The following TMEM98 variants were observed in gnomAD, a reference collection of about 807,000 sequenced individuals.
TMEM98 encodes the protein transmembrane protein 98.
A neutral mutation model predicts 25.0 loss-of-function variants in TMEM98; 18 were observed. The observed-to-expected ratio is 0.72, with a 90% confidence interval of 0.50 to 1.07. The LOEUF (loss-of-function observed/expected upper bound fraction) is 1.07, where lower values mean the gene tolerates loss of function less well. Among genes scored for constraint, TMEM98 ranks in the 50% least tolerant of loss-of-function variants. The probability of loss-of-function intolerance (pLI) is 0.00; values close to 1 mark genes in which losing one functional copy is unlikely to be tolerated. For missense variants in TMEM98, 241 were observed against 289.0 expected (o/e 0.83, Z 1.20); for synonymous variants, 103 against 112.4 (o/e 0.92, Z 0.53).
rs1448738566 is a variant in TMEM98 at position 32,944,189 on chromosome 17, T to C, written c.*3196T>C. ...CCTGTGTGCCCACACGAGCAGACTTTTAGAAAATGGCCTACAGTTCAAAGG... is the reference window on the plus strand; with the variant it reads ...CCTGTGTGCCCACACGAGCAGACTTCTAGAAAATGGCCTACAGTTCAAAGG... On this transcript the variant is annotated 3_prime_UTR_variant, in exon 8 of 8. Transcript: ENST00000579849. 2.0e-5 allele frequency: 3 copies of C among 152,190 alleles called. No individual in the cohort carries two copies. Among genetic ancestry groups the C allele is most frequent in the Non-Finnish European group, 4.4e-5 (3 of 68,052 alleles). The allele number at this position is 152,190 out of a possible 1,614,324, so 9.4% of individuals were successfully genotyped here. A position where few individuals can be genotyped will look rare whatever the true frequency, so the allele number is the denominator to read the frequency against.
chr17:32,929,238 CACAG>C (rs777815955), intron 1 of TMEM98, among the ~76,000 whole-genome samples: 2 of 151,922 alleles, frequency 1.3e-5, no homozygotes, highest in Non-Finnish European at 2.9e-5. Context: ...AGCTCACACA[CACAG>C]AAACAGAAAA....
intron 7 of TMEM98, among the ~76,000 whole-genome samples, chr17:32,939,751 C>G (rs2091518712): frequency 6.6e-6 from 1 of 152,206 alleles, no homozygotes; most frequent in South Asian, 2.1e-4. Flanking sequence ...AAGAAAGAGG[C>G]AGTCTTAGAT....
chr17:32,934,924 A>G lies in TMEM98; in HGVS notation c.297+600A>G, dbSNP rs1001347771. On this transcript the variant is annotated intron_variant, in intron 5 of 7. Coordinates refer to ENST00000579849, the MANE Select transcript of TMEM98 (RefSeq NM_015544.3). ...GCATTTTGGGTAATTTTATGGTTTT[A>G]GCATTTGTTTTCAATTCTTGCCTGT... Among the ~76,000 whole-genome samples the G allele has an allele frequency of 4.6e-5, 7 of 152,226 alleles. No homozygotes were observed. In the East Asian group the frequency reaches 1.2e-3, roughly 25 times the overall value.
intron 5 of TMEM98, among the ~76,000 whole-genome samples, chr17:32,935,898 C>G (rs2091493432): frequency 6.6e-6 from 1 of 152,158 alleles, no homozygotes; most frequent in Non-Finnish European, 1.5e-5. Context: ...GTTATTGGAG[C>G]ATGTGCTTAA....
intron 5 of TMEM98, among the ~76,000 whole-genome samples, chr17:32,934,570 C>G (rs1312019137): frequency 1.3e-5 from 2 of 152,204 alleles, no homozygotes; most frequent in Non-Finnish European, 2.9e-5. Context: ...GTGGGAAAGA[C>G]AGCCTAGGTA....
In TMEM98 at chr17:32,933,347, T is replaced by G. The variant is rs2091480094; in HGVS notation, c.263+42T>G. On this transcript the variant is annotated intron_variant, in intron 4 of 7. Transcript: ENST00000579849. ...TGTTTGCTTCCGGGCTTCTGGCAAA[T>G]GATGCCCTTTGCTGGTGTCCTTTGC... The G allele has an allele frequency of 1.9e-6, 3 of 1,612,182 alleles. No individual in the cohort carries two copies. The African/African-American group carries it at 4.0e-5, about 22-fold the overall frequency.
chr17:32,932,301 A>G (rs1234888843), intron 3 of TMEM98, among the ~76,000 whole-genome samples: 1 of 151,854 alleles, frequency 6.6e-6, no homozygotes. Flanking sequence ...GGGTTTCACC[A>G]TGTTGGCCAG....
At position 32,941,111 on chromosome 17, in the gene TMEM98, G is replaced by A; in HGVS notation, c.*118G>A. On this transcript the variant is annotated 3_prime_UTR_variant, in exon 8 of 8. Coordinates refer to ENST00000579849, the MANE Select transcript of TMEM98 (RefSeq NM_015544.3). Reference sequence around the variant, plus strand: ...TTCTCCACGGCTGGAGAGTTCAGCTGTGTGTGCATAGTAAAGCAGGAGATC... The same window carrying A: ...TTCTCCACGGCTGGAGAGTTCAGCTATGTGTGCATAGTAAAGCAGGAGATC... The A allele has an allele frequency of 1.1e-6, 1 of 883,620 alleles. No individual in the cohort carries two copies. The highest frequency in any genetic ancestry group is 1.7e-6 in the Non-Finnish European group (1 of 592,264). 54.7% of individuals were successfully genotyped at this position (883,620 alleles called of 1,614,324 possible). A position where few individuals can be genotyped will look rare whatever the true frequency, so the allele number is the denominator to read the frequency against.
chr17:32,935,398 A>G (rs942132181), intron 5 of TMEM98, among the ~76,000 whole-genome samples: 2 of 152,112 alleles, frequency 1.3e-5, no homozygotes, highest in African/African-American at 4.8e-5. Flanking sequence ...GTCCTCATCT[A>G]TTAGGAGGAT....
At chr17:32,938,562 A>T (rs923418231) in intron 6 of TMEM98, among the ~76,000 whole-genome samples, 2 of 152,232 alleles carry the variant, frequency 1.3e-5, no homozygotes, top group African/African-American at 4.8e-5. Flanking sequence ...AACTTGATTT[A>T]AAAAAATTAA....
rs1347340039 is a variant in TMEM98 at position 32,933,161 on chromosome 17, C to T, written c.132-13C>T. On this transcript the variant is annotated splice_polypyrimidine_tract_variant and intron_variant, in intron 3 of 7. Coordinates refer to ENST00000579849, the MANE Select transcript of TMEM98 (RefSeq NM_015544.3). ...CCACCATGAAACCATTTAACGGGGG[C>T]CTTTTCTTCCAGGCCCATTGTGGAC... 6.2e-7 allele frequency: 1 copy of T among 1,613,816 alleles called. No individual in the cohort carries two copies. Among genetic ancestry groups the T allele is most frequent in the African/African-American group, 1.3e-5 (1 of 75,028 alleles).
chr17:32,936,683 A>G (rs1276826848), intron 6 of TMEM98, among the ~76,000 whole-genome samples: 3 of 152,174 alleles, frequency 2.0e-5, no homozygotes. Flanking sequence ...GCTTTGGGGA[A>G]GCGCCAGCAG....
chr17:32,931,459 T>A lies in TMEM98; in HGVS notation c.-54-16T>A. 6.4e-7 allele frequency: 1 copy of A among 1,560,338 alleles called. No homozygotes were observed. The highest frequency in any genetic ancestry group is 8.7e-7 in the Non-Finnish European group (1 of 1,151,726). ...GCTTCTTGACCAGATCTGCTCTGAC[T>A]TCATGTTCTCTCAAGCTTTAGCCCA... On this transcript the variant is annotated splice_polypyrimidine_tract_variant and intron_variant, in intron 2 of 7. Coordinates refer to ENST00000579849, the MANE Select transcript of TMEM98 (RefSeq NM_015544.3).
Position 32,940,942 on chromosome 17 carries a change from T to A in TMEM98, c.630T>A (p.Asp210Glu). The A allele has an allele frequency of 6.2e-7, 1 of 1,613,896 alleles. No individual in the cohort carries two copies. Among genetic ancestry groups the A allele is most frequent in the Non-Finnish European group, 8.5e-7 (1 of 1,179,970 alleles). Residue 210 changes from aspartate (D) to glutamate (E), a missense_variant, in exon 8 of 8, where the codon GAT becomes GAA. Coordinates refer to ENST00000579849, the MANE Select transcript of TMEM98 (RefSeq NM_015544.3). ...AAGCAGCCCTAGCTTCTGAGCCAGA[T>A]AAAGGCCTCCCAGGCCCTGAAGGCT... The part of the protein sequence containing the change: ...LREAALASEP[D>E]KGLPGPEGFL...
At chr17:32,932,429 G>A (rs1387820524) in intron 3 of TMEM98, among the ~76,000 whole-genome samples, 1 of 152,108 alleles carries the variant, frequency 6.6e-6, no homozygotes, top group Non-Finnish European at 1.5e-5. Flanking sequence ...GTGATGCATT[G>A]TATGTGAAAT....
At chr17:32,933,692 T>C (rs2091481470) in intron 4 of TMEM98, among the ~76,000 whole-genome samples, 1 of 152,242 alleles carries the variant, frequency 6.6e-6, no homozygotes. Context: ...TGCTACTTCA[T>C]TGCCTTATCC....
chr17:32,930,588 CTTCT>C (rs1243262563), intron 1 of TMEM98, among the ~76,000 whole-genome samples: 26 of 152,222 alleles, frequency 1.7e-4, no homozygotes, highest in Admixed American at 1.5e-3. Context: ...CCTTTACAGT[CTTCT>C]TTCTTCCTTA....
Position 32,938,079 on chromosome 17 carries a change from A to G in TMEM98, c.414-1398A>G, listed in dbSNP as rs542671830. ...GAGTAGGATCAGCACGGGTCCTAAG[A>G]TGAGGGTGTGGCATTGTCCAGAGAG... On this transcript the variant is annotated intron_variant, in intron 6 of 7. Coordinates refer to ENST00000579849, the MANE Select transcript of TMEM98 (RefSeq NM_015544.3). Among the ~76,000 whole-genome samples the G allele has an allele frequency of 5.3e-5, 8 of 152,242 alleles. 1 individual carries two copies. In the South Asian group the frequency reaches 1.7e-3, roughly 32 times the overall value.
rs937282187 is a variant in TMEM98 at position 32,941,383 on chromosome 17, G to A, written c.*390G>A. On this transcript the variant is annotated 3_prime_UTR_variant, in exon 8 of 8. Coordinates refer to ENST00000579849, the MANE Select transcript of TMEM98 (RefSeq NM_015544.3). ...ATCGGTCAGAATGTGTGGCAATTCT[G>A]ATCTGCATTTTCAGAAGAGGACAAT... 1.9e-5 allele frequency: 3 copies of A among 161,854 alleles called. No individual in the cohort carries two copies. Among genetic ancestry groups the A allele is most frequent in the Admixed American group, 1.8e-4 (3 of 17,122 alleles). The allele number at this position is 161,854 out of a possible 1,614,324, so 10.0% of individuals were successfully genotyped here.
Sources: allele counts gnomAD v4.1 joint callset (sites outside exome capture counted in the v4.1 genomes callset), GRCh38; gene constraint gnomAD v4.1.1; transcripts MANE v1.5; gene names NCBI Gene and HGNC (gene_info 2026-07-23, HGNC 2026-07-21).